Variants in CDKN2A observed in about 807,000 individuals in gnomAD.
CDKN2A encodes the protein cyclin-dependent kinase inhibitor 2A.
CDKN2A carries 3 observed loss-of-function variants against 11.1 expected under a neutral mutation model. The observed-to-expected ratio is 0.27, with a 90% CI of 0.12 to 0.70. CDKN2A has a LOEUF of 0.70. Among genes scored for constraint, CDKN2A ranks in the 30% least tolerant of loss-of-function variants. CDKN2A has a pLI of 0.77. For synonymous variants in CDKN2A, 122 were observed against 108.1 expected (o/e 1.13, Z -0.80); for missense variants, 265 against 233.6 (o/e 1.13, Z -0.88).
At chr9:21,992,408 C>T (rs1820448653) in intron 2 of CDKN2A, 1 of 984,370 alleles carries the variant, frequency 1.0e-6, no homozygotes, top group Non-Finnish European at 1.2e-6. Flanking sequence ...ACATTCTATC[C>T]AAGCTGTGTT....
chr9:21,969,584 G>A, intron 2 of CDKN2A: 2 of 395,768 alleles, frequency 5.1e-6, no homozygotes, highest in Non-Finnish European at 8.9e-6. Flanking sequence ...AAATATATTA[G>A]GTTTGGTTAA....
rs1820577591 is a variant in CDKN2A at position 21,995,021 on chromosome 9, C to G, written c.-376G>C. 6.6e-6 allele frequency: 1 copy of G among 152,258 alleles called. No individual in the cohort carries two copies. The allele number at this position is 152,258 out of a possible 1,614,324, so 9.4% of individuals were successfully genotyped here. On this transcript the variant is annotated 5_prime_UTR_variant, in exon 1 of 4. Coordinates refer to the CDKN2A transcript ENST00000494262. This position sits in a 1 kb window ranked among gnomAD's most constrained non-coding sequence, Gnocchi z 5.7. ...CAGGAGGCTGAATGTCAGTTTTGAA[C>G]TAAAAGCCGCTCCGCTCCTCTTCTA...
intron 2 of CDKN2A, among the ~76,000 whole-genome samples, chr9:21,987,432 C>CACACACAG (rs1311413150): frequency 2.0e-4 from 28 of 138,270 alleles, no homozygotes; most frequent in African/African-American, 7.3e-4. Context: ...CACACACACA[C>CACACACAG]AGAGAGAGAG....
At chr9:21,985,846 T>C (rs774371240) in intron 2 of CDKN2A, among the ~76,000 whole-genome samples, 1 of 151,940 alleles carries the variant, frequency 6.6e-6, no homozygotes, top group African/African-American at 2.4e-5. Flanking sequence ...TCTGAATACA[T>C]AAATATATTT....
intron 2 of CDKN2A, among the ~76,000 whole-genome samples, chr9:21,984,202 G>T (rs1820254738): frequency 6.6e-6 from 1 of 151,864 alleles, no homozygotes; most frequent in African/African-American, 2.4e-5. Flanking sequence ...TCTTCTAAAA[G>T]GTATGATGCT....
At chr9:21,993,855 T>G in intron 2 of CDKN2A, 13 of 433,026 alleles carry the variant, frequency 3.0e-5, no homozygotes, top group Non-Finnish European at 3.9e-5. Context: ...GTCTTAGTCA[T>G]TCCCACCCAG....
At chr9:21,993,593 A>T (rs1181624993) in intron 2 of CDKN2A, among the ~76,000 whole-genome samples, 5 of 152,098 alleles carry the variant, frequency 3.3e-5, no homozygotes, top group Non-Finnish European at 5.9e-5. Flanking sequence ...CGCAGCAGTA[A>T]CTGATCCTAC....
chr9:21,974,695 C>T lies in CDKN2A; in HGVS notation c.133G>A (p.Gly45Ser), dbSNP rs1328708469. The T allele has an allele frequency of 6.2e-7, 1 of 1,613,826 alleles. No homozygotes were observed. Among genetic ancestry groups the T allele is most frequent in the Non-Finnish European group, 8.5e-7 (1 of 1,179,992 alleles). ...GALPNAPNSY[G>S]RRPIQVMMMG... ...CTACCCACCTGGATCGGCCTCCGAC[C>T]GTAACTATTCGGTGCGTTGGGCAGC... The change falls in exon 1 of 3, where the codon GGT becomes AGT. Residue 45 changes from glycine (G) to serine (S), a missense_variant. Coordinates refer to ENST00000304494, the MANE Select transcript of CDKN2A (RefSeq NM_000077.5). The surrounding 1 kb of genome is among the most constrained non-coding windows in gnomAD (Gnocchi z 5.2).
intron 2 of CDKN2A, chr9:21,993,809 GT>G: frequency 3.2e-6 from 1 of 312,000 alleles, no homozygotes; most frequent in East Asian, 5.6e-5. Context: ...CTGTGTGTGT[GT>G]GTGTGTGTGT....
At position 21,971,135 on chromosome 9, in the gene CDKN2A, G is replaced by A. The variant is rs772411700; in HGVS notation, c.224C>T (p.Pro75Leu). Residue 75 changes from proline (P) to leucine (L), a missense_variant, in exon 2 of 3, where the codon CCC (proline) becomes CTC (leucine). Physicochemically the swap from Pro to Leu is moderately conservative, Grantham distance 98. Transcript: ENST00000304494. Reference protein sequence around the residue: ...LHGAEPNCADPATLTRPVHDA... With the variant: ...LHGAEPNCADLATLTRPVHDA... ...GTGCACGGGTCGGGTGAGAGTGGCGGGGTCGGCGCAGTTGGGCTCCGCGCC... is the reference window on the plus strand; with the variant it reads ...GTGCACGGGTCGGGTGAGAGTGGCGAGGTCGGCGCAGTTGGGCTCCGCGCC... 5.6e-6 allele frequency: 9 copies of A among 1,596,408 alleles called. 1 individual carries two copies. In the Admixed American group the frequency reaches 1.2e-4, roughly 21 times the overall value.
In CDKN2A at chr9:21,994,263, G is replaced by A. The variant is rs374360796; in HGVS notation, c.-175-210C>T. The A allele has an allele frequency of 2.0e-4, 326 of 1,605,684 alleles. No homozygotes were observed. Among genetic ancestry groups the A allele is most frequent in the Non-Finnish European group, 2.5e-4 (299 of 1,177,660 alleles). On this transcript the variant is annotated intron_variant, in intron 1 of 3. Transcript: ENST00000494262. ...CCGTGAGCCGCGGGATGTGAACCAC[G>A]AAAACCCTCACTCGCGGCGGGCCGC... is the stretch of plus-strand genomic sequence containing the variant.
chr9:21,990,652 A>AAACTGTTT (rs1820411932), intron 2 of CDKN2A, among the ~76,000 whole-genome samples: 1 of 24,844 alleles, frequency 4.0e-5, no homozygotes, highest in Non-Finnish European at 1.0e-4. Context: ...GAGAGAGAGA[A>AAACTGTTT]ACTGTTTACT....
At chr9:21,984,060 T>C (rs1820251923) in intron 2 of CDKN2A, among the ~76,000 whole-genome samples, 1 of 152,012 alleles carries the variant, frequency 6.6e-6, no homozygotes, top group Non-Finnish European at 1.5e-5. Context: ...TGCTTTTTAA[T>C]TTTTTGAGAA....
At chr9:21,978,293 T>C (rs1433705125), upstream of CDKN2A, among the ~76,000 whole-genome samples, 1 of 151,936 alleles carries the variant, frequency 6.6e-6, no homozygotes, top group Non-Finnish European at 1.5e-5. Flanking sequence ...AAAAATATTA[T>C]GTAAATAATT....
At chr9:21,972,524 C>T (rs903339369) in intron 1 of CDKN2A, among the ~76,000 whole-genome samples, 1 of 152,072 alleles carries the variant, frequency 6.6e-6, no homozygotes, top group Non-Finnish European at 1.5e-5. Context: ...AACAGATTGC[C>T]CCTTAGAGTT....
rs2131078831 is a variant in CDKN2A at position 21,968,150 on chromosome 9, G to A, written c.*79C>T. 8.3e-7 allele frequency: 1 copy of A among 1,205,792 alleles called. No individual in the cohort carries two copies. The highest frequency in any genetic ancestry group is 1.8e-5 in the Admixed American group (1 of 56,726). 74.7% of individuals were successfully genotyped at this position (1,205,792 alleles called of 1,614,324 possible). ...ACGAAAGCGGGGTGGGTTGTGGCGG[G>A]GGCAGTTGTGGCCCTGTAGGACCTT... On this transcript the variant is annotated 3_prime_UTR_variant, in exon 3 of 3. Transcript: ENST00000304494. This position sits in a 1 kb window ranked among gnomAD's most constrained non-coding sequence, Gnocchi z 4.7.
rs116150891 is a variant in CDKN2A at position 21,970,929 on chromosome 9, G to T, written c.430C>A (p.Arg144Ser). Residue 144 changes from arginine to serine, a missense_variant, in exon 2 of 3, where the codon CGC becomes AGC. Coordinates refer to ENST00000304494, the MANE Select transcript of CDKN2A (RefSeq NM_000077.5). ...AGGTRGSNHA[R>S]IDAAEGPSDI... The stretch of plus-strand genomic sequence containing the variant: ...GAGGGACCTTCCGCGGCATCTATGC[G>T]GGCATGGTTACTGCCTCTGGTGCCC... 1 of 1,612,280 alleles carries T rather than the reference G, an allele frequency of 6.2e-7. No homozygotes were observed. The highest frequency in any genetic ancestry group is 8.5e-7 in the Non-Finnish European group (1 of 1,180,028).
In CDKN2A at chr9:21,968,271, T is replaced by A. The variant is rs911961877; in HGVS notation, c.458-29A>T. The A allele has an allele frequency of 7.4e-6, 12 of 1,613,480 alleles. No individual in the cohort carries two copies. The highest frequency in any genetic ancestry group is 1.0e-5 in the Non-Finnish European group (12 of 1,179,548). On this transcript the variant is annotated intron_variant, in intron 2 of 2. Coordinates refer to ENST00000304494, the MANE Select transcript of CDKN2A (RefSeq NM_000077.5). This position sits in a 1 kb window ranked among gnomAD's most constrained non-coding sequence, Gnocchi z 4.7. ...CAGAGGGCAGAAAGAAAACAGGCGT[T>A]AGAAACCTGAGGTCAAAGATGTGTG...
chr9:21,987,427 A>ACT, intron 2 of CDKN2A, among the ~76,000 whole-genome samples: 1 of 120,332 alleles, frequency 8.3e-6, no homozygotes, highest in East Asian at 3.6e-4. Flanking sequence ...ACACACACAC[A>ACT]CACACAGAGA....
Sources: gnomAD v4.1 joint callset for allele counts (sites outside exome capture counted in the v4.1 genomes callset) on GRCh38, gnomAD v4.1.1 for gene constraint, Gnocchi (gnomAD v3.1) non-coding constraint, MANE v1.5 for transcripts, NCBI Gene and HGNC (gene_info 2026-07-23, HGNC 2026-07-21) for gene names.